The following CNOT10 variants were observed in gnomAD, a reference collection of about 807,000 sequenced individuals.
The protein encoded by CNOT10 is CCR4-NOT transcription complex, subunit 10.
In CNOT10, 30 loss-of-function variants were observed where a neutral mutation model predicts 94.6. That is an observed-to-expected ratio of 0.32 (90% CI 0.24 to 0.43). The LOEUF (loss-of-function observed/expected upper bound fraction) is 0.43, where lower values mean the gene tolerates loss of function less well. CNOT10 is among the 20% of genes least tolerant of loss of function. The probability of loss-of-function intolerance (pLI) is 1.00; values close to 1 mark genes in which losing one functional copy is unlikely to be tolerated. For missense variants in CNOT10, 759 were observed against 877.2 expected, an observed-to-expected ratio of 0.87 and a Z score of 1.70; for synonymous variants, 289 against 301.6, an observed-to-expected ratio of 0.96 and a Z score of 0.43.
chr3:32,705,021 A>G, intron 3 of CNOT10, 49 bp downstream of exon 3: 1 of 1,239,088 alleles, frequency 8.1e-7, no homozygotes, highest in Non-Finnish European at 1.1e-6. Flanking sequence ...CTGTTCTTTA[A>G]TTTATGAAAC....
chr3:32,686,185 T>C (rs1696593620), intron 1 of CNOT10, among the ~76,000 whole-genome samples: 2 of 152,232 alleles, frequency 1.3e-5, no homozygotes, highest in African/African-American at 4.8e-5. Context: ...TTGCTCCCAT[T>C]CCTAGAATCT....
chr3:32,755,718 G>C (rs1447447238), intron 13 of CNOT10, among the ~76,000 whole-genome samples: 1 of 149,674 alleles, frequency 6.7e-6, no homozygotes, highest in Non-Finnish European at 1.5e-5. Context: ...GTTGTAACTT[G>C]GTGCTTGAAG....
chr3:32,688,261 A>G (rs1006617985), intron 1 of CNOT10, among the ~76,000 whole-genome samples: 4 of 152,234 alleles, frequency 2.6e-5, no homozygotes, highest in Non-Finnish European at 5.9e-5. Context: ...ACAGATAAGC[A>G]TGTAAATAAA....
At chr3:32,731,173 G>A (rs181807391) in intron 10 of CNOT10, 29 of 152,264 alleles carry the variant, frequency 1.9e-4, no homozygotes, top group African/African-American at 5.1e-4. Flanking sequence ...CATTAATATT[G>A]CATGGCCTTC....
At chr3:32,736,537 G>C (rs1699198140) in intron 12 of CNOT10, among the ~76,000 whole-genome samples, 1 of 152,178 alleles carries the variant, frequency 6.6e-6, no homozygotes, top group Non-Finnish European at 1.5e-5. Context: ...TGCTAAGGGA[G>C]ACCAAGGCTG....
chr3:32,719,256 AAAC>A (rs1001891482), intron 7 of CNOT10, among the ~76,000 whole-genome samples: 2 of 149,902 alleles, frequency 1.3e-5, no homozygotes, highest in Admixed American at 1.3e-4. Flanking sequence ...CTAAAAACAA[AAAC>A]AAAAACAAAA....
intron 13 of CNOT10, among the ~76,000 whole-genome samples, chr3:32,738,489 T>G (rs967291545): frequency 2.1e-4 from 31 of 150,970 alleles, no homozygotes; most frequent in African/African-American, 7.1e-4. Context: ...TTGAGATGGA[T>G]TCTCGCTCTG....
Position 32,750,890 on chromosome 3 carries a change from G to A in CNOT10, c.1596-8568G>A, listed in dbSNP as rs149550993. 2.2e-3 allele frequency among the ~76,000 whole-genome samples: 338 copies of A among 152,212 alleles called. 1 individual carries two copies. Among genetic ancestry groups the A allele is most frequent in the African/African-American group, 7.9e-3 (329 of 41,510 alleles). On this transcript the variant is annotated intron_variant, in intron 13 of 18. Coordinates refer to ENST00000328834, the MANE Select transcript of CNOT10 (RefSeq NM_015442.3). Reference sequence around the variant, plus strand: ...ATTGTTGCATAGTGGTTTAATAACTGTCATGGGTATGAACTGACTCTTACA... The same window carrying A: ...ATTGTTGCATAGTGGTTTAATAACTATCATGGGTATGAACTGACTCTTACA...
intron 10 of CNOT10, among the ~76,000 whole-genome samples, chr3:32,730,334 C>T (rs1200726606): frequency 2.0e-5 from 3 of 151,866 alleles, no homozygotes; most frequent in Non-Finnish European, 2.9e-5. Flanking sequence ...GGAGAAGGAG[C>T]GGGAGGGGAG....
intron 8 of CNOT10, among the ~76,000 whole-genome samples, chr3:32,722,078 GA>G (rs1293109989): frequency 4.6e-5 from 7 of 152,164 alleles, no homozygotes; most frequent in African/African-American, 1.7e-4. Flanking sequence ...TGGGGCAGGA[GA>G]AGGAAAATCA....
intron 14 of CNOT10, among the ~76,000 whole-genome samples, chr3:32,760,085 G>A (rs913732970): frequency 9.9e-5 from 15 of 151,090 alleles, no homozygotes; most frequent in Non-Finnish European, 1.6e-4. Context: ...AGGAGGCTGA[G>A]GCAGGAGAAT....
chr3:32,708,388 T>C (rs1315670103), intron 3 of CNOT10, among the ~76,000 whole-genome samples: 1 of 152,166 alleles, frequency 6.6e-6, no homozygotes, highest in Non-Finnish European at 1.5e-5. Flanking sequence ...ACAGGGAAGA[T>C]AGCTTCACAG....
chr3:32,747,423 C>CAATAAATA (rs752514872), intron 13 of CNOT10, among the ~76,000 whole-genome samples: 6 of 151,626 alleles, frequency 4.0e-5, no homozygotes, highest in African/African-American at 1.2e-4. Flanking sequence ...AACTCCGTCT[C>CAATAAATA]AATAAATAAA....
Position 32,720,117 on chromosome 3 carries a change from G to T in CNOT10, c.748G>T (p.Ala250Ser), listed in dbSNP as rs752322117. The change falls in exon 8 of 19, where the codon GCA becomes TCA. Residue 250 changes from alanine (A) to serine (S), a missense_variant. Physicochemically the swap from Ala to Ser is moderately conservative, Grantham distance 99 (BLOSUM62 1). Transcript: ENST00000328834. ...KSVMNTAGNS[A>S]PSLFLKSNFE... Reference sequence around the variant, plus strand: ...AACTTTTATATTTTCTCTACAGTCCGCACCCTCTCTCTTTCTTAAAAGCAA... The same window carrying T: ...AACTTTTATATTTTCTCTACAGTCCTCACCCTCTCTCTTTCTTAAAAGCAA... 1.3e-6 allele frequency: 2 copies of T among 1,488,056 alleles called. No homozygotes were observed. The highest frequency in any genetic ancestry group is 3.4e-5 in the Admixed American group (2 of 58,702). The allele number at this position is 1,488,056 out of a possible 1,614,324, so 92.2% of individuals were successfully genotyped here.
In CNOT10 at chr3:32,734,881, TGAA is replaced by T; in HGVS notation, c.1423_1425del (p.Glu475del). The T allele has an allele frequency of 6.2e-7, 1 of 1,614,022 alleles. No individual in the cohort carries two copies. The highest frequency in any genetic ancestry group is 8.5e-7 in the Non-Finnish European group (1 of 1,179,888). ...TCAGAAATGCCTTGTTGCTGCTACCTGAAGAACAGCAAGATCCAAAGCAGGAAA... is the reference window on the plus strand; with the variant it reads ...TCAGAAATGCCTTGTTGCTGCTACCTGAACAGCAAGATCCAAAGCAGGAAA... On this transcript the variant is annotated inframe_deletion, in exon 12 of 19. Coordinates refer to ENST00000328834, the MANE Select transcript of CNOT10 (RefSeq NM_015442.3).
Position 32,708,916 on chromosome 3 carries a change from A to G in CNOT10, c.430+96A>G, listed in dbSNP as rs546388684. On this transcript the variant is annotated intron_variant, in intron 4 of 18. Coordinates refer to ENST00000328834, the MANE Select transcript of CNOT10 (RefSeq NM_015442.3). ...TAGATAACCTAAATCCGAGAAGTCCATGCCAGTATTCAAAGAAAAGCCGTA... is the reference window on the plus strand; with the variant it reads ...TAGATAACCTAAATCCGAGAAGTCCGTGCCAGTATTCAAAGAAAAGCCGTA... 7 of 929,168 alleles carry G rather than the reference A, an allele frequency of 7.5e-6. No homozygotes were observed. The East Asian group carries it at 8.0e-5, about 11-fold the overall frequency. 57.6% of individuals were successfully genotyped at this position (929,168 alleles called of 1,614,324 possible).
chr3:32,731,935 A>C (rs966900800), intron 10 of CNOT10, among the ~76,000 whole-genome samples: 2 of 151,954 alleles, frequency 1.3e-5, no homozygotes, highest in Non-Finnish European at 2.9e-5. Flanking sequence ...AAAATTAGCC[A>C]GGTTGTTGTG....
rs916033802 is a variant in CNOT10 at position 32,703,944 on chromosome 3, T to A, written c.99T>A (p.Asn33Lys). The change falls in exon 2 of 19, where the codon AAT (asparagine) becomes AAA (lysine). Residue 33 changes from asparagine to lysine, a missense_variant. Around this residue, in one of 3 missense-constraint regions of CNOT10, gnomAD observed 682 missense variants for 799.4 expected, o/e 0.85. Coordinates refer to ENST00000328834, the MANE Select transcript of CNOT10 (RefSeq NM_015442.3). ...ATCAAGAGAAGGAGTTATCCACCAA[T>A]GCTTTCCAAGCTTTCACAGTAAGAA... The part of the protein sequence containing the change: ...ITDQEKELST[N>K]AFQAFTSGNY... The A allele has an allele frequency of 1.9e-6, 3 of 1,612,472 alleles. No homozygotes were observed. Among genetic ancestry groups the A allele is most frequent in the African/African-American group, 2.7e-5 (2 of 74,912 alleles).
At chr3:32,749,664 C>G (rs1699872149) in intron 13 of CNOT10, among the ~76,000 whole-genome samples, 1 of 152,116 alleles carries the variant, frequency 6.6e-6, no homozygotes, top group Non-Finnish European at 1.5e-5. Context: ...CCTGCCTCGG[C>G]CTCCCAAAGT....
Sources: gnomAD v4.1 joint callset for allele counts (sites outside exome capture counted in the v4.1 genomes callset) on GRCh38, gnomAD v4.1.1 for gene constraint, gnomAD v4.1.1 regional missense constraint, MANE v1.5 for transcripts, NCBI Gene and HGNC (gene_info 2026-07-23, HGNC 2026-07-21) for gene names.